SAMD3: variants seen among roughly 807,000 people sequenced by gnomAD.
SAMD3 encodes sterile alpha motif domain-containing protein 3.
Under a neutral mutation model 58.5 loss-of-function variants are expected in SAMD3, and 63 were observed. That is an observed-to-expected ratio of 1.08 (90% CI 0.88 to 1.33). The LOEUF (loss-of-function observed/expected upper bound fraction) is 1.33, where lower values mean the gene tolerates loss of function less well. SAMD3 is among the 40% of genes most tolerant of loss of function. The probability of loss-of-function intolerance (pLI) is 0.00; values close to 1 mark genes in which losing one functional copy is unlikely to be tolerated. For missense variants in SAMD3, 604 were observed against 608.4 expected, an observed-to-expected ratio of 0.99 and a Z score of 0.08; for synonymous variants, 220 against 210.3, an observed-to-expected ratio of 1.05 and a Z score of -0.40.
intron 2 of SAMD3, among the ~76,000 whole-genome samples, chr6:130,233,456 T>C (rs1796600985): frequency 6.6e-6 from 1 of 152,206 alleles, no homozygotes; most frequent in Non-Finnish European, 1.5e-5. Context: ...AAATTTCAGA[T>C]GAACAGAAGC....
intron 2 of SAMD3, among the ~76,000 whole-genome samples, chr6:130,303,865 G>T (rs1258264999): frequency 6.6e-6 from 1 of 151,908 alleles, no homozygotes; most frequent in Non-Finnish European, 1.5e-5. Context: ...TCTTTATTTT[G>T]TATGTGTGTT....
chr6:130,223,633 T>C (rs1796299657), upstream of SAMD3, among the ~76,000 whole-genome samples: 1 of 152,218 alleles, frequency 6.6e-6, no homozygotes, highest in Admixed American at 6.5e-5. Context: ...GTAGTGGATC[T>C]TCTTAATGCA....
chr6:130,308,385 A>ATTCTATTCTATTCT (rs1410732675), intron 2 of SAMD3, among the ~76,000 whole-genome samples: 70 of 139,840 alleles, frequency 5.0e-4, no homozygotes, highest in Middle Eastern at 3.6e-3. Context: ...ATTCTATTCT[A>ATTCTATTCTATTCT]TTCTATTCTA....
intron 2 of SAMD3, among the ~76,000 whole-genome samples, chr6:130,258,523 T>A (rs568747098): frequency 1.3e-5 from 2 of 152,318 alleles, no homozygotes; most frequent in African/African-American, 2.4e-5. Context: ...CGGACACACA[T>A]ATTTAAAGTG....
At chr6:130,315,961 A>T (rs1562518025) in intron 1 of SAMD3, among the ~76,000 whole-genome samples, 1 of 152,184 alleles carries the variant, frequency 6.6e-6, no homozygotes, top group Non-Finnish European at 1.5e-5. Flanking sequence ...AAGAAGGTTC[A>T]TATCTTTCTT....
intron 2 of SAMD3, 132 bp from the exon 3 acceptor site, chr6:130,215,426 A>AC: frequency 8.0e-7 from 1 of 1,250,532 alleles, no homozygotes; most frequent in Non-Finnish European, 1.0e-6. Flanking sequence ...TAAAATTACT[A>AC]TTTTTACAAT....
chr6:130,321,319 T>C (rs1776578029), intron 1 of SAMD3, among the ~76,000 whole-genome samples: 1 of 152,170 alleles, frequency 6.6e-6, no homozygotes, highest in South Asian at 2.1e-4. Flanking sequence ...TCACTGGCCA[T>C]GTGAGTGAGC....
intron 9 of SAMD3, among the ~76,000 whole-genome samples, chr6:130,148,876 A>G (rs1788879375): frequency 6.6e-6 from 1 of 151,976 alleles, no homozygotes; most frequent in Admixed American, 6.6e-5. Context: ...AAAAAACCCA[A>G]CCAAAAAAAA....
At chr6:130,245,141 C>T (rs1773497845) in intron 2 of SAMD3, among the ~76,000 whole-genome samples, 1 of 152,208 alleles carries the variant, frequency 6.6e-6, no homozygotes, top group Non-Finnish European at 1.5e-5. Flanking sequence ...ATTGGAACTA[C>T]AGCCACGGCA....
chr6:130,316,033 G>A (rs891177461), intron 1 of SAMD3, among the ~76,000 whole-genome samples: 18 of 152,310 alleles, frequency 1.2e-4, no homozygotes, highest in African/African-American at 4.1e-4. Context: ...GCTCACCCTT[G>A]TAATCCCAGC....
intron 1 of SAMD3, chr6:130,221,530 G>A (rs139325260): frequency 1.3e-5 from 2 of 152,180 alleles, no homozygotes; most frequent in African/African-American, 4.8e-5. Context: ...CACATATTTT[G>A]TATGTTATAT....
chr6:130,208,809 T>A (rs1795288848), intron 5 of SAMD3, among the ~76,000 whole-genome samples: 1 of 151,996 alleles, frequency 6.6e-6, no homozygotes, highest in African/African-American at 2.4e-5. Flanking sequence ...CCTAAATCCA[T>A]CCCCCTGACC....
chr6:130,350,426 T>C (rs1777615674), intron 1 of SAMD3, among the ~76,000 whole-genome samples: 1 of 151,838 alleles, frequency 6.6e-6, no homozygotes, highest in Non-Finnish European at 1.5e-5. Context: ...TATACACCAA[T>C]AACAGACAAA....
chr6:130,236,388 T>TTC (rs551781214), intron 2 of SAMD3, among the ~76,000 whole-genome samples: 15,271 of 151,326 alleles, frequency 0.1, 993 homozygotes, highest in Admixed American at 0.15. Context: ...GATTGACTTT[T>TTC]TTTTTTTTTT....
chr6:130,268,745 T>C lies in SAMD3; in HGVS notation c.-188+44233A>G, dbSNP rs1361675829. 2.0e-5 allele frequency among the ~76,000 whole-genome samples: 3 copies of C among 152,208 alleles called. No individual in the cohort carries two copies. The East Asian group carries it at 5.8e-4, about 29-fold the overall frequency. ...TATAGCCTAGGTGTGTAGTAGGCTATACCATCTAGGCTTGTGTAAGTGCAC... is the reference window on the plus strand; with the variant it reads ...TATAGCCTAGGTGTGTAGTAGGCTACACCATCTAGGCTTGTGTAAGTGCAC... On this transcript the variant is annotated intron_variant, in intron 2 of 13. Coordinates refer to the SAMD3 transcript ENST00000368134.
At chr6:130,333,012 T>C (rs1776983999) in intron 1 of SAMD3, among the ~76,000 whole-genome samples, 1 of 151,578 alleles carries the variant, frequency 6.6e-6, no homozygotes, top group Non-Finnish European at 1.5e-5. Flanking sequence ...ATTTCCTCAA[T>C]AAAGTTCAAG....
chr6:130,230,361 G>T (rs1047161483), intron 2 of SAMD3, among the ~76,000 whole-genome samples: 2 of 152,036 alleles, frequency 1.3e-5, no homozygotes, highest in South Asian at 2.1e-4. Flanking sequence ...TAAAAGTAAG[G>T]CTAGGTTTGT....
At chr6:130,337,690 T>C (rs1017160061) in intron 1 of SAMD3, among the ~76,000 whole-genome samples, 1 of 152,186 alleles carries the variant, frequency 6.6e-6, no homozygotes, top group African/African-American at 2.4e-5. Context: ...GCTGAGCTGG[T>C]CTCAGGTAGA....
intron 2 of SAMD3, among the ~76,000 whole-genome samples, chr6:130,229,861 AG>A (rs1315458753): frequency 6.6e-6 from 1 of 152,214 alleles, no homozygotes; most frequent in African/African-American, 2.4e-5. Context: ...TCAAAGCAAA[AG>A]AGAGTCAGCA....
Sources: allele counts gnomAD v4.1 joint callset (sites outside exome capture counted in the v4.1 genomes callset), GRCh38; gene constraint gnomAD v4.1.1; transcripts MANE v1.5; gene names NCBI Gene and HGNC (gene_info 2026-07-23, HGNC 2026-07-21).